Variants in NOTCH2NLC observed in about 807,000 individuals in gnomAD.
NOTCH2NLC encodes the protein notch homolog 2 N-terminal-like protein C.
Under a neutral mutation model 17.7 loss-of-function variants are expected in NOTCH2NLC, and 4 were observed. The ratio of observed to expected loss-of-function variants is 0.23; its 90% CI spans 0.11 to 0.52. The LOEUF is 0.52. NOTCH2NLC is among the 20% of genes least tolerant of loss of function. NOTCH2NLC has a pLI of 0.96. For synonymous variants in NOTCH2NLC, 18 were observed against 86.0 expected (o/e 0.21, Z 4.38); for missense variants, 57 against 207.2 (o/e 0.28, Z 4.45).
intron 1 of NOTCH2NLC, among the ~76,000 whole-genome samples, chr1:149,399,741 TTA>T (rs2084232315): frequency 7.7e-6 from 1 of 129,624 alleles, no homozygotes; most frequent in Non-Finnish European, 1.6e-5. Context: ...GTCTTTGGCA[TTA>T]TGTTACTATT....
chr1:149,437,868 T>C (rs2084492308), intron 2 of NOTCH2NLC, among the ~76,000 whole-genome samples: 2 of 146,776 alleles, frequency 1.4e-5, no homozygotes, highest in Admixed American at 6.9e-5. Context: ...GCTAACATTA[T>C]TGCATATTAG....
intron 1 of NOTCH2NLC, chr1:149,408,728 TGATA>T: frequency 6.3e-6 from 4 of 631,054 alleles, no homozygotes; most frequent in Non-Finnish European, 7.9e-6. Context: ...TACATCTATA[TGATA>T]ATGAAGCTAT....
intron 2 of NOTCH2NLC, among the ~76,000 whole-genome samples, chr1:149,443,632 G>A (rs1178954309): frequency 0.032 from 4,781 of 150,834 alleles, 449 homozygotes; most frequent in East Asian, 0.25. Context: ...GTGGGGAAAA[G>A]CATTTTGGGC....
chr1:149,398,288 T>C (rs1490201827), intron 1 of NOTCH2NLC, among the ~76,000 whole-genome samples: 6 of 150,030 alleles, frequency 4.0e-5, no homozygotes, highest in African/African-American at 1.5e-4. Context: ...GGTGTAAATA[T>C]AAATTTGGCA....
intron 1 of NOTCH2NLC, among the ~76,000 whole-genome samples, chr1:149,412,278 T>A (rs2084302295): frequency 6.8e-6 from 1 of 146,720 alleles, no homozygotes; most frequent in African/African-American, 2.5e-5. Flanking sequence ...CCAACAGCAC[T>A]TTGGGGGAAA....
chr1:149,413,482 G>A (rs1322929164), intron 1 of NOTCH2NLC, among the ~76,000 whole-genome samples: 4 of 150,984 alleles, frequency 2.6e-5, no homozygotes, highest in Non-Finnish European at 5.9e-5. Flanking sequence ...AAGGAAAGAG[G>A]GTAATAATCT....
At chr1:149,437,955 G>GT (rs1419370811) in intron 2 of NOTCH2NLC, among the ~76,000 whole-genome samples, 1 of 149,262 alleles carries the variant, frequency 6.7e-6, no homozygotes, top group East Asian at 2.1e-4. Flanking sequence ...GCTAAGAGAA[G>GT]TTAAATAATT....
rs1396053493 is a variant in NOTCH2NLC at position 149,390,838 on chromosome 1, C to T, written c.51C>T (p.Gly17=). ...GGGGGGGGGG[G]GDREDARPAP... is the part of the protein sequence containing the mutation. ...GCGGCGGCGGCGGCGGCGGAGGAGG[C>T]GGCGACCGAGAAGATGCCCGCCCTG... is the stretch of plus-strand genomic sequence containing the variant. The change falls in exon 1 of 5, where the codon GGC becomes GGT. Residue 17 remains glycine, a synonymous_variant. Coordinates refer to ENST00000650865, the MANE Select transcript of NOTCH2NLC (RefSeq NM_001364013.2). 1.5e-6 allele frequency: 2 copies of T among 1,342,342 alleles called. No homozygotes were observed. The highest frequency in any genetic ancestry group is 3.3e-5 in the East Asian group (1 of 30,194). The allele number at this position is 1,342,342 out of a possible 1,614,324, so 83.2% of individuals were successfully genotyped here.
Position 149,390,837 on chromosome 1 carries a change from G to C in NOTCH2NLC, c.50G>C (p.Gly17Ala). The C allele has an allele frequency of 4.4e-6, 6 of 1,358,010 alleles. No individual in the cohort carries two copies. The highest frequency in any genetic ancestry group is 5.7e-6 in the Non-Finnish European group (6 of 1,056,984). The allele number at this position is 1,358,010 out of a possible 1,614,324, so 84.1% of individuals were successfully genotyped here. ...GGCGGCGGCGGCGGCGGCGGAGGAG[G>C]CGGCGACCGAGAAGATGCCCGCCCT... is the stretch of plus-strand genomic sequence containing the variant. ...GGGGGGGGGG[G>A]GDREDARPAP... is the part of the protein sequence containing the mutation. Residue 17 changes from glycine to alanine, a missense_variant, in exon 1 of 5, where the codon GGC (glycine) becomes GCC (alanine). Transcript: ENST00000650865.
rs1203055323 is a variant in NOTCH2NLC at position 149,468,906 on chromosome 1, AT to A, written c.*4755del. On this transcript the variant is annotated 3_prime_UTR_variant, in exon 5 of 5. Coordinates refer to ENST00000650865, the MANE Select transcript of NOTCH2NLC (RefSeq NM_001364013.2). ...CTGGTTGGATAGGGATAGGTCAGGG[AT>A]TCCCTCTTGCATTCTCACACTTGGG... Among the ~76,000 whole-genome samples the A allele has an allele frequency of 3.0e-5, 3 of 101,296 alleles. No individual in the cohort carries two copies. The East Asian group carries it at 1.0e-3, about 35-fold the overall frequency. 66.5% of individuals were successfully genotyped at this position (101,296 alleles called of 152,430 possible).
chr1:149,427,414 A>G lies in NOTCH2NLC; in HGVS notation c.136-3528A>G, dbSNP rs2084419165. ...ATTTCACTTAGCATAATGTTCTCCA[A>G]TTCTATCCATGTTGTCTCAAATGAC... is the stretch of plus-strand genomic sequence containing the variant. On this transcript the variant is annotated intron_variant, in intron 1 of 4. Coordinates refer to ENST00000650865, the MANE Select transcript of NOTCH2NLC (RefSeq NM_001364013.2). 6.1e-5 allele frequency among the ~76,000 whole-genome samples: 9 copies of G among 148,066 alleles called. 3 individuals are homozygous for G. In the Admixed American group the frequency reaches 6.1e-4, roughly 10 times the overall value.
chr1:149,429,387 G>A (rs1169782346), intron 1 of NOTCH2NLC, among the ~76,000 whole-genome samples: 12 of 149,686 alleles, frequency 8.0e-5, no homozygotes, highest in African/African-American at 3.0e-4. Flanking sequence ...CAGAGTCTCT[G>A]GATTCAAATT....
intron 2 of NOTCH2NLC, among the ~76,000 whole-genome samples, chr1:149,437,524 C>T (rs1485849047): frequency 8.0e-5 from 9 of 112,876 alleles, no homozygotes; most frequent in African/African-American, 2.2e-4. Flanking sequence ...AGTGCAGTGG[C>T]GCTTTCTTGG....
In NOTCH2NLC at chr1:149,394,898, C is replaced by A. The variant is rs1294832220; in HGVS notation, c.135+3976C>A. ...TATGTGTAGTATTTTGGACAGATCA[C>A]TGAACTAGGAGCCAGAAGACCAGAA... On this transcript the variant is annotated intron_variant, in intron 1 of 4. Transcript: ENST00000650865. Among the ~76,000 whole-genome samples the A allele has an allele frequency of 1.3e-5, 2 of 149,916 alleles. 1 individual carries two copies. The highest frequency in any genetic ancestry group is 4.9e-5 in the African/African-American group (2 of 40,738).
Position 149,471,766 on chromosome 1 carries a change from T to C in NOTCH2NLC, c.*7613T>C, listed in dbSNP as rs1295196420. On this transcript the variant is annotated 3_prime_UTR_variant, in exon 5 of 5. Transcript: ENST00000650865. ...TGAAATATATGCTTAAAAATGGTGA[T>C]TTTTGTGATATATGAATTATACTAT... Among the ~76,000 whole-genome samples, 1 of 147,876 alleles carries C rather than the reference T, an allele frequency of 6.8e-6. No homozygotes were observed. Among genetic ancestry groups the C allele is most frequent in the African/African-American group, 2.5e-5 (1 of 40,014 alleles).
chr1:149,466,492 A>G lies in NOTCH2NLC; in HGVS notation c.*2339A>G, dbSNP rs2084684953. 6.7e-6 allele frequency: 1 copy of G among 149,796 alleles called. No individual in the cohort carries two copies. Among genetic ancestry groups the G allele is most frequent in the Non-Finnish European group, 1.5e-5 (1 of 67,178 alleles). The allele number at this position is 149,796 out of a possible 1,614,324, so 9.3% of individuals were successfully genotyped here. ...GTAAGATTTCATGCTCATTGTTCGT[A>G]TGTCCCAGGTGGAGTTCAGAAAATA... On this transcript the variant is annotated 3_prime_UTR_variant, in exon 5 of 5. Transcript: ENST00000650865.
intron 1 of NOTCH2NLC, among the ~76,000 whole-genome samples, chr1:149,423,777 GCA>G (rs1432455441): frequency 6.8e-6 from 1 of 147,876 alleles, no homozygotes; most frequent in African/African-American, 2.5e-5. Context: ...GTGGGTCTAA[GCA>G]CAGATACCAC....
chr1:149,390,817 C>CGGT lies in NOTCH2NLC; in HGVS notation c.32_33insTGG (p.Gly18dup). The CGGT allele has an allele frequency of 7.7e-7, 1 of 1,300,872 alleles. No individual in the cohort carries two copies. The allele number at this position is 1,300,872 out of a possible 1,614,324, so 80.6% of individuals were successfully genotyped here. A position where few individuals can be genotyped will look rare whatever the true frequency, so the allele number is the denominator to read the frequency against. On this transcript the variant is annotated inframe_insertion, in exon 1 of 5. Coordinates refer to ENST00000650865, the MANE Select transcript of NOTCH2NLC (RefSeq NM_001364013.2). ...GGATCTGCCCAGGCGGCGGCGGCGG[C>CGGT]GGCGGCGGCGGCGGAGGAGGCGGCG...
chr1:149,402,294 T>A (rs1182768222), intron 1 of NOTCH2NLC, among the ~76,000 whole-genome samples: 4 of 150,930 alleles, frequency 2.7e-5, no homozygotes, highest in Non-Finnish European at 5.9e-5. Context: ...TTGGGCAGGC[T>A]GGTCTCGTAC....
Sources: gnomAD v4.1 joint callset for allele counts (sites outside exome capture counted in the v4.1 genomes callset) on GRCh38, gnomAD v4.1.1 for gene constraint, MANE v1.5 for transcripts, NCBI Gene and HGNC (gene_info 2026-07-23, HGNC 2026-07-21) for gene names.